The following TRPC5 variants were observed in gnomAD, a reference collection of about 807,000 sequenced individuals.
The protein encoded by TRPC5 is short transient receptor potential channel 5.
Under a neutral mutation model 56.5 loss-of-function variants are expected in TRPC5, and 9 were observed. The ratio of observed to expected loss-of-function variants is 0.16; its 90% CI spans 0.10 to 0.28. The LOEUF (loss-of-function observed/expected upper bound fraction) is 0.28. Among genes scored for constraint, TRPC5 ranks in the 10% least tolerant of loss-of-function variants. The pLI, the probability that TRPC5 is intolerant of heterozygous loss-of-function variation, is 1.00. For missense variants in TRPC5, 469 were observed against 748.9 expected (o/e 0.63, Z 4.36); for synonymous variants, 282 against 278.5 (o/e 1.01, Z -0.13).
chrX:111,999,863 G>A (rs967316320), intron 1 of TRPC5, among the ~76,000 whole-genome samples: 3 of 111,339 alleles, frequency 2.7e-5, no homozygotes, highest in East Asian at 2.8e-4. Flanking sequence ...CTACTCAGGC[G>A]GCTGAGGCAG....
chrX:111,791,113 T>TC (rs772972551), intron 7 of TRPC5, among the ~76,000 whole-genome samples: 1 of 94,752 alleles, frequency 1.1e-5, no homozygotes, highest in East Asian at 4.0e-4. Flanking sequence ...CCTTTAGAAC[T>TC]CCCCACAGGG....
chrX:111,838,106 A>G (rs1286414420), intron 6 of TRPC5, among the ~76,000 whole-genome samples: 4 of 100,461 alleles, frequency 4.0e-5, no homozygotes, highest in Non-Finnish European at 7.6e-5. Context: ...AATAATAAAC[A>G]AACAAAGAAT....
At chrX:112,059,413 T>C (rs780607057) in intron 1 of TRPC5, among the ~76,000 whole-genome samples, 1 of 112,491 alleles carries the variant, frequency 8.9e-6, no homozygotes, top group South Asian at 3.7e-4. Flanking sequence ...GTTATTTTGG[T>C]TGCTACAGTC....
intron 7 of TRPC5, among the ~76,000 whole-genome samples, chrX:111,800,265 A>G (rs1921261192): frequency 9.0e-6 from 1 of 111,424 alleles, no homozygotes; most frequent in Non-Finnish European, 1.9e-5. Context: ...ATGATGATTC[A>G]CTTCCACTTA....
At chrX:111,828,541 C>T (rs1000430793) in intron 7 of TRPC5, among the ~76,000 whole-genome samples, 4 of 111,758 alleles carry the variant, frequency 3.6e-5, no homozygotes, top group Non-Finnish European at 7.5e-5. Context: ...GGTATTTCTT[C>T]ATAGCAGCGT....
At chrX:112,061,182 A>G (rs1166589587) in intron 1 of TRPC5, among the ~76,000 whole-genome samples, 1 of 112,244 alleles carries the variant, frequency 8.9e-6, no homozygotes, top group African/African-American at 3.2e-5. Context: ...AGCTCTGTTT[A>G]CTGTATGGCC....
At chrX:111,966,663 G>T (rs7876461) in intron 1 of TRPC5, among the ~76,000 whole-genome samples, 2,733 of 111,913 alleles carry the variant, frequency 0.024, 86 homozygotes, top group African/African-American at 0.083. Context: ...TGGGATGCAA[G>T]GCTGGTTCAA....
Position 111,963,529 on chromosome X carries a change from A to G in TRPC5, c.-21-11088T>C, listed in dbSNP as rs369146815. On this transcript the variant is annotated intron_variant, in intron 1 of 10. Transcript: ENST00000262839. ...CTGAGAACGAGCAGACTGCCTCCTC[A>G]AGTGGGTCCCTGACACCTGACAAGC... Among the ~76,000 whole-genome samples the G allele has an allele frequency of 1.1e-3, 122 of 112,108 alleles. 1 individual carries two copies. In the South Asian group the frequency reaches 0.043, roughly 39 times the overall value.
In TRPC5 at chrX:112,008,556, C is replaced by T. The variant is rs548868631; in HGVS notation, c.-21-56115G>A. Among the ~76,000 whole-genome samples the T allele has an allele frequency of 1.5e-4, 16 of 106,334 alleles. No homozygotes were observed. The South Asian group carries it at 3.5e-3, about 23-fold the overall frequency. The allele number at this position is 106,334 out of a possible 115,157, so 92.3% of individuals were successfully genotyped here. A position where few individuals can be genotyped will look rare whatever the true frequency, so the allele number is the denominator to read the frequency against. On this transcript the variant is annotated intron_variant, in intron 1 of 10. Coordinates refer to ENST00000262839, the MANE Select transcript of TRPC5 (RefSeq NM_012471.3). ...TGGAGCTTGCAGTGAGCCAAGATTA[C>T]GCCACTGCACTCCAGCCTGGGTGAC... is the stretch of plus-strand genomic sequence containing the variant.
At chrX:111,996,894 CTT>C (rs1431471867) in intron 1 of TRPC5, among the ~76,000 whole-genome samples, 2 of 111,292 alleles carry the variant, frequency 1.8e-5, no homozygotes, top group Non-Finnish European at 3.8e-5. Flanking sequence ...CTATGTGACT[CTT>C]TGCATGTGAG....
intron 1 of TRPC5, among the ~76,000 whole-genome samples, chrX:112,011,812 T>C (rs1569529533): frequency 7.1e-5 from 8 of 112,000 alleles, no homozygotes; most frequent in Admixed American, 4.7e-4. Flanking sequence ...TACAGTACCC[T>C]GGAGGGATAT....
chrX:111,782,841 A>ACACACACACACACG (rs55909429), intron 7 of TRPC5, among the ~76,000 whole-genome samples: 2 of 108,916 alleles, frequency 1.8e-5, no homozygotes, highest in African/African-American at 6.7e-5. Flanking sequence ...ACACACACAC[A>ACACACACACACACG]TCAGTGTACA....
At chrX:111,808,994 T>C (rs1476276784) in intron 7 of TRPC5, among the ~76,000 whole-genome samples, 1 of 109,835 alleles carries the variant, frequency 9.1e-6, no homozygotes, top group Non-Finnish European at 1.9e-5. Flanking sequence ...CCCAGTGCCC[T>C]ATCCTACTGT....
intron 1 of TRPC5, among the ~76,000 whole-genome samples, chrX:111,953,090 T>C (rs1390369988): frequency 8.9e-6 from 1 of 112,031 alleles, no homozygotes; most frequent in Non-Finnish European, 1.9e-5. Context: ...ATTTCAGTTC[T>C]AACTGCAACC....
rs756874833 is a variant in TRPC5, at chrX:111,774,738, C to T, written c.*1575G>A. The T allele has an allele frequency of 9.0e-6, 1 of 111,030 alleles. No homozygotes were observed. Among genetic ancestry groups the T allele is most frequent in the South Asian group, 3.9e-4 (1 of 2,591 alleles). 9.2% of individuals were successfully genotyped at this position (111,030 alleles called of 1,213,427 possible). A position where few individuals can be genotyped will look rare whatever the true frequency, so the allele number is the denominator to read the frequency against. ...CTAGTTTGGAGGCATATTTGCAGTTCGAAAGTTCCTCATTTCTCTTACTTT... is the reference window on the plus strand; with the variant it reads ...CTAGTTTGGAGGCATATTTGCAGTTTGAAAGTTCCTCATTTCTCTTACTTT... On this transcript the variant is annotated 3_prime_UTR_variant, in exon 11 of 11. Coordinates refer to ENST00000262839, the MANE Select transcript of TRPC5 (RefSeq NM_012471.3).
At chrX:111,962,435 C>A (rs1927410239) in intron 1 of TRPC5, among the ~76,000 whole-genome samples, 1 of 112,109 alleles carries the variant, frequency 8.9e-6, no homozygotes, top group African/African-American at 3.2e-5. Flanking sequence ...GATTGAGGAA[C>A]CCTTCAAATG....
intron 1 of TRPC5, among the ~76,000 whole-genome samples, chrX:111,999,691 C>G (rs994929154): frequency 8.9e-6 from 1 of 112,133 alleles, no homozygotes; most frequent in Non-Finnish European, 1.9e-5. Context: ...TCTGGCCAGG[C>G]ACGGTGGCTC....
intron 1 of TRPC5, among the ~76,000 whole-genome samples, chrX:111,992,042 C>T (rs776846671): frequency 2.9e-4 from 33 of 112,382 alleles, no homozygotes; most frequent in African/African-American, 9.0e-4. Flanking sequence ...CACTGAGAAT[C>T]ACAAGTCACA....
chrX:111,816,143 C>T (rs1921854568), intron 7 of TRPC5, among the ~76,000 whole-genome samples: 2 of 111,750 alleles, frequency 1.8e-5, no homozygotes, highest in African/African-American at 6.5e-5. Context: ...AATGGAAAAC[C>T]AGCAGGCTGC....
Sources: allele counts gnomAD v4.1 joint callset (sites outside exome capture counted in the v4.1 genomes callset), GRCh38; gene constraint gnomAD v4.1.1; transcripts MANE v1.5; gene names NCBI Gene and HGNC (gene_info 2026-07-23, HGNC 2026-07-21).